The following RAB22A variants were observed in gnomAD, a reference collection of about 807,000 sequenced individuals.
The protein encoded by RAB22A is RAB22A, member RAS oncogene family.
In RAB22A, 13 loss-of-function variants were observed where a neutral mutation model predicts 30.2. That is an observed-to-expected ratio of 0.43 (90% CI 0.28 to 0.68). The LOEUF (loss-of-function observed/expected upper bound fraction) is 0.68. RAB22A is among the 30% of genes least tolerant of loss of function. RAB22A has a pLI of 0.18. For synonymous variants in RAB22A, 89 were observed against 87.2 expected, an observed-to-expected ratio of 1.02 and a Z score of -0.11; for missense variants, 177 against 246.8, an observed-to-expected ratio of 0.72 and a Z score of 1.89.
intron 3 of RAB22A, among the ~76,000 whole-genome samples, chr20:58,348,820 A>C (rs1462080842): frequency 1.3e-5 from 2 of 152,030 alleles, no homozygotes; most frequent in African/African-American, 4.8e-5. Context: ...AAAACAGCTC[A>C]GTGTTTTAAG....
intron 2 of RAB22A, among the ~76,000 whole-genome samples, chr20:58,342,612 G>C (rs1986873984): frequency 6.6e-6 from 1 of 150,570 alleles, no homozygotes; most frequent in Non-Finnish European, 1.5e-5. Flanking sequence ...GAGTGATTTG[G>C]GTACAACTTG....
At chr20:58,336,017 T>A (rs2122950470) in intron 2 of RAB22A, among the ~76,000 whole-genome samples, 1 of 152,288 alleles carries the variant, frequency 6.6e-6, no homozygotes, top group Non-Finnish European at 1.5e-5. Flanking sequence ...TTTGTTTGTT[T>A]GTTTGTTTTT....
intron 2 of RAB22A, among the ~76,000 whole-genome samples, chr20:58,332,801 C>T (rs1225286117): frequency 6.6e-6 from 1 of 151,960 alleles, no homozygotes; most frequent in Non-Finnish European, 1.5e-5. Context: ...ACTCCACAGT[C>T]TAGGTATATC....
At position 58,365,295 on chromosome 20, in the gene RAB22A, A is replaced by G. The variant is rs1035542592; in HGVS notation, c.*5592A>G. 6.6e-6 allele frequency: 1 copy of G among 152,118 alleles called. No homozygotes were observed. Among genetic ancestry groups the G allele is most frequent in the Non-Finnish European group, 1.5e-5 (1 of 68,042 alleles). 9.4% of individuals were successfully genotyped at this position (152,118 alleles called of 1,614,324 possible). A position where few individuals can be genotyped will look rare whatever the true frequency, so the allele number is the denominator to read the frequency against. On this transcript the variant is annotated 3_prime_UTR_variant, in exon 7 of 7. Transcript: ENST00000244040. ...GTCATCTTGTAGAAGAGCTGGGCAT[A>G]CCTCTTCCTCTAGGCCAATTCAGAG...
At chr20:58,346,094 A>G (rs571020632) in intron 3 of RAB22A, 1 of 152,418 alleles carries the variant, frequency 6.6e-6, no homozygotes, top group Admixed American at 6.5e-5. Flanking sequence ...GTGTCCTGAC[A>G]GCTTCATTCT....
chr20:58,338,584 G>A (rs1242284870), intron 2 of RAB22A, among the ~76,000 whole-genome samples: 1 of 152,178 alleles, frequency 6.6e-6, no homozygotes, highest in Admixed American at 6.5e-5. Flanking sequence ...ACTATGGAAT[G>A]CACACAATAC....
At chr20:58,342,816 A>G (rs889416425) in intron 2 of RAB22A, among the ~76,000 whole-genome samples, 1 of 152,012 alleles carries the variant, frequency 6.6e-6, no homozygotes, top group African/African-American at 2.4e-5. Context: ...TGAGGGGGGA[A>G]TGGAAGGTAG....
chr20:58,359,684 C>G lies in RAB22A; in HGVS notation c.566C>G (p.Pro189Arg), dbSNP rs772822542. ...GFKLRRQPSE[P>R]KRSCC ...AAACTCCGAAGACAGCCTTCAGAGC[C>G]AAAGCGGAGCTGCTGCTGACCGAAC... Residue 189 changes from proline (P) to arginine (R), a missense_variant, in exon 7 of 7, where the codon CCA becomes CGA. Physicochemically the swap from Pro to Arg is moderately radical, Grantham distance 103 (BLOSUM62 -2). Transcript: ENST00000244040. 1.2e-6 allele frequency: 2 copies of G among 1,610,862 alleles called. No homozygotes were observed. Among genetic ancestry groups the G allele is most frequent in the Non-Finnish European group, 1.7e-6 (2 of 1,177,328 alleles).
chr20:58,357,751 G>C (rs503128), intron 6 of RAB22A, among the ~76,000 whole-genome samples: 61,288 of 151,918 alleles, frequency 0.4, 12,599 homozygotes, highest in South Asian at 0.57. Flanking sequence ...AAAGTAGTTA[G>C]AAGACATTGG....
intron 2 of RAB22A, among the ~76,000 whole-genome samples, chr20:58,330,060 T>C (rs996448636): frequency 2.0e-5 from 3 of 152,212 alleles, no homozygotes; most frequent in African/African-American, 7.2e-5. Context: ...TTTTACAGTG[T>C]ATTAGGTATT....
At position 58,364,708 on chromosome 20, in the gene RAB22A, CG is replaced by C. The variant is rs1568685150; in HGVS notation, c.*5006del. ...CAAGGCCTATCAGCCAATTAAAAGCCGTAAGATAGTAATGATTTTTTTTCTT... is the reference window on the plus strand; with the variant it reads ...CAAGGCCTATCAGCCAATTAAAAGCCTAAGATAGTAATGATTTTTTTTCTT... On this transcript the variant is annotated 3_prime_UTR_variant, in exon 7 of 7. Transcript: ENST00000244040. The C allele has an allele frequency of 6.6e-6, 1 of 151,338 alleles. No individual in the cohort carries two copies. Among genetic ancestry groups the C allele is most frequent in the African/African-American group, 2.4e-5 (1 of 41,190 alleles). The allele number at this position is 151,338 out of a possible 1,614,324, so 9.4% of individuals were successfully genotyped here.
At chr20:58,346,105 C>T (rs1254989556) in intron 3 of RAB22A, 8 of 152,600 alleles carry the variant, frequency 5.2e-5, no homozygotes, top group Non-Finnish European at 1.5e-5. Flanking sequence ...GCTTCATTCT[C>T]TACATGTATC....
chr20:58,311,272 AG>A, intron 2 of RAB22A, 150 bp downstream of exon 2: 1 of 751,976 alleles, frequency 1.3e-6, no homozygotes, highest in Non-Finnish European at 2.3e-6. Context: ...GAAAGAGTCC[AG>A]TGAGGATCTG....
chr20:58,310,964 G>A (rs1351085611), intron 1 of RAB22A, 79 bp from the exon 2 acceptor site: 4 of 1,190,342 alleles, frequency 3.4e-6, no homozygotes, highest in African/African-American at 3.0e-5. Context: ...CTAAAATCCT[G>A]AACTTATGCC....
intron 1 of RAB22A, among the ~76,000 whole-genome samples, chr20:58,310,695 G>T (rs192798696): frequency 6.6e-6 from 1 of 152,154 alleles, no homozygotes; most frequent in African/African-American, 2.4e-5. Flanking sequence ...AAATAGGGTG[G>T]GGCTAGGATT....
intron 2 of RAB22A, among the ~76,000 whole-genome samples, chr20:58,319,637 T>C (rs1283123302): frequency 6.6e-6 from 1 of 152,214 alleles, no homozygotes; most frequent in Non-Finnish European, 1.5e-5. Flanking sequence ...CTTGACCAAT[T>C]TGGGAAGAAT....
chr20:58,343,359 A>G (rs78682220), intron 2 of RAB22A, among the ~76,000 whole-genome samples: 2,437 of 152,274 alleles, frequency 0.016, 26 homozygotes, highest in Non-Finnish European at 0.02. Flanking sequence ...TAGTGTATAC[A>G]TTCCTGGACA....
rs925554378 is a variant in RAB22A at position 58,360,631 on chromosome 20, T to A, written c.*928T>A. The A allele has an allele frequency of 6.5e-6, 1 of 152,674 alleles. No individual in the cohort carries two copies. Among genetic ancestry groups the A allele is most frequent in the South Asian group, 2.1e-4 (1 of 4,834 alleles). The allele number at this position is 152,674 out of a possible 1,614,324, so 9.5% of individuals were successfully genotyped here. On this transcript the variant is annotated 3_prime_UTR_variant, in exon 7 of 7. Coordinates refer to ENST00000244040, the MANE Select transcript of RAB22A (RefSeq NM_020673.3). ...GCCATTGCTTAAAGATTATAAATTATGTAAATACATTAATAAATTCTAAGT... is the reference window on the plus strand; with the variant it reads ...GCCATTGCTTAAAGATTATAAATTAAGTAAATACATTAATAAATTCTAAGT...
intron 6 of RAB22A, among the ~76,000 whole-genome samples, chr20:58,354,780 A>G (rs1393009883): frequency 2.6e-5 from 4 of 152,104 alleles, no homozygotes; most frequent in Admixed American, 1.3e-4. Flanking sequence ...ATCTATGTTT[A>G]TTCATTTCAT....
Sources: allele counts gnomAD v4.1 joint callset (sites outside exome capture counted in the v4.1 genomes callset), GRCh38; gene constraint gnomAD v4.1.1; transcripts MANE v1.5; gene names NCBI Gene and HGNC (gene_info 2026-07-23, HGNC 2026-07-21).